VPS45: variants seen among roughly 807,000 people sequenced by gnomAD.
VPS45 encodes vacuolar protein sorting 45 homolog, also known as vacuolar protein sorting-associated protein 45.
A neutral mutation model predicts 75.9 loss-of-function variants in VPS45; 35 were observed. The ratio of observed to expected loss-of-function variants is 0.46; its 90% CI spans 0.35 to 0.61. VPS45 has a LOEUF of 0.61. Among genes scored for constraint, VPS45 ranks in the 20% least tolerant of loss-of-function variants. The pLI, the probability that VPS45 is intolerant of heterozygous loss-of-function variation, is 0.00. For synonymous variants in VPS45, 220 were observed against 238.2 expected (o/e 0.92, Z 0.70); for missense variants, 559 against 685.9 (o/e 0.81, Z 2.07).
chr1:150,096,539 T>C (rs1031025692), intron 13 of VPS45, among the ~76,000 whole-genome samples: 7 of 152,062 alleles, frequency 4.6e-5, no homozygotes, highest in African/African-American at 9.7e-5. Flanking sequence ...GGATGTTAGA[T>C]GAGTAATCCA....
chr1:150,142,375 C>A (rs587723962), intron 14 of VPS45, among the ~76,000 whole-genome samples: 38 of 152,302 alleles, frequency 2.5e-4, no homozygotes, highest in African/African-American at 8.9e-4. Context: ...CACTTGTTTT[C>A]TGACCTCCAA....
chr1:150,090,898 A>G (rs1218560013), intron 10 of VPS45, among the ~76,000 whole-genome samples: 1 of 152,224 alleles, frequency 6.6e-6, no homozygotes, highest in Non-Finnish European at 1.5e-5. Flanking sequence ...AACACAGTGG[A>G]AAGTGCAACA....
chr1:150,128,738 C>CT (rs1658651529), intron 14 of VPS45, among the ~76,000 whole-genome samples: 1 of 10,530 alleles, frequency 9.5e-5, no homozygotes, highest in African/African-American at 4.7e-4. Flanking sequence ...AAGAGATTTT[C>CT]TTTCTTTTTT....
At chr1:150,075,032 C>G (rs1655295186) in intron 3 of VPS45, among the ~76,000 whole-genome samples, 1 of 122,758 alleles carries the variant, frequency 8.1e-6, no homozygotes, top group Admixed American at 9.6e-5. Context: ...ATGATCTCGG[C>G]TCACTGTAAC....
chr1:150,124,421 T>C (rs1553810252), intron 14 of VPS45, among the ~76,000 whole-genome samples: 6 of 151,456 alleles, frequency 4.0e-5, no homozygotes. Context: ...ATCGCGCCAC[T>C]GCACTCCAGC....
At chr1:150,130,780 A>G (rs1658794201) in intron 14 of VPS45, among the ~76,000 whole-genome samples, 1 of 152,218 alleles carries the variant, frequency 6.6e-6, no homozygotes, top group Non-Finnish European at 1.5e-5. Context: ...TTTTACATAC[A>G]TCTTTAAACA....
chr1:150,135,083 T>C (rs1214227776), intron 14 of VPS45, among the ~76,000 whole-genome samples: 1 of 152,184 alleles, frequency 6.6e-6, no homozygotes, highest in South Asian at 2.1e-4. Context: ...CAAAGACTAA[T>C]GGCACAAAAT....
chr1:150,138,057 T>A (rs1659206603), intron 14 of VPS45, among the ~76,000 whole-genome samples: 1 of 152,226 alleles, frequency 6.6e-6, no homozygotes, highest in Non-Finnish European at 1.5e-5. Flanking sequence ...AAGAGTTGTT[T>A]ACACTCACTG....
chr1:150,097,195 C>T (rs1553803187), intron 13 of VPS45, among the ~76,000 whole-genome samples: 2 of 150,924 alleles, frequency 1.3e-5, no homozygotes, highest in East Asian at 2.0e-4. Flanking sequence ...TCAAGATTCT[C>T]CTGCCTCAGC....
At chr1:150,133,347 C>T (rs1476949578) in intron 14 of VPS45, among the ~76,000 whole-genome samples, 6 of 151,722 alleles carry the variant, frequency 4.0e-5, no homozygotes, top group African/African-American at 7.3e-5. Flanking sequence ...GTCAGGAGTT[C>T]GAGACCAGCC....
intron 13 of VPS45, among the ~76,000 whole-genome samples, chr1:150,108,986 A>G (rs1657489665): frequency 6.6e-6 from 1 of 151,848 alleles, no homozygotes; most frequent in Admixed American, 6.6e-5. Flanking sequence ...CCTCTTCATC[A>G]TTGGTAGCTT....
chr1:150,136,038 C>A (rs1206234295), intron 14 of VPS45, among the ~76,000 whole-genome samples: 3 of 150,192 alleles, frequency 2.0e-5, no homozygotes, highest in Non-Finnish European at 3.0e-5. Flanking sequence ...CACCTGAGGT[C>A]AGGTGTTCAA....
intron 14 of VPS45, among the ~76,000 whole-genome samples, chr1:150,135,865 C>A (rs374894167): frequency 4.0e-5 from 6 of 151,484 alleles, no homozygotes; most frequent in African/African-American, 1.5e-4. Context: ...TTTTGAACTC[C>A]TGACCTCAGG....
chr1:150,135,761 C>A (rs915257144), intron 14 of VPS45, among the ~76,000 whole-genome samples: 1 of 151,808 alleles, frequency 6.6e-6, no homozygotes, highest in African/African-American at 2.4e-5. Context: ...GCCTCACCCC[C>A]CTGGGTAGCT....
intron 13 of VPS45, chr1:150,109,689 G>C (rs1657539985): frequency 6.6e-6 from 1 of 152,044 alleles, no homozygotes; most frequent in Non-Finnish European, 1.5e-5. Context: ...TCTCCTTCTT[G>C]GTGATATTTA....
chr1:150,103,607 C>T (rs1657164483), intron 13 of VPS45, among the ~76,000 whole-genome samples: 1 of 152,108 alleles, frequency 6.6e-6, no homozygotes. Flanking sequence ...ACAAAAATAC[C>T]CTGCCACCCT....
intron 2 of VPS45, among the ~76,000 whole-genome samples, chr1:150,069,188 A>T (rs1428188349): frequency 6.6e-6 from 1 of 152,132 alleles, no homozygotes; most frequent in Non-Finnish European, 1.5e-5. Context: ...TTAAATCTAT[A>T]TTTAGCCCAG....
chr1:150,109,849 T>G (rs1657548794), intron 13 of VPS45: 1 of 152,100 alleles, frequency 6.6e-6, no homozygotes, highest in Non-Finnish European at 1.5e-5. Flanking sequence ...ACACTCATGG[T>G]TTTTTTGGTT....
intron 3 of VPS45, among the ~76,000 whole-genome samples, chr1:150,075,518 GATGCTCAATGCCTGGGTCCATTCA>G (rs1655327056): frequency 6.6e-6 from 1 of 152,144 alleles, no homozygotes; most frequent in Non-Finnish European, 1.5e-5. Context: ...AGTAGCTGCT[GATGCTCAATGCCTGGGTCCATTCA>G]ATTGATTCAT....
Sources: allele counts gnomAD v4.1 joint callset (sites outside exome capture counted in the v4.1 genomes callset), GRCh38; gene constraint gnomAD v4.1.1; transcripts MANE v1.5; gene names NCBI Gene and HGNC (gene_info 2026-07-23, HGNC 2026-07-21).